Variants in XKR6 observed in about 807,000 individuals in gnomAD.
The protein encoded by XKR6 is XK-related protein 6.
XKR6 carries 22 observed loss-of-function variants against 56.7 expected under a neutral mutation model. That is an observed-to-expected ratio of 0.39 (90% CI 0.28 to 0.55). XKR6 has a LOEUF of 0.55. Ranked by LOEUF, XKR6 falls within the 20% of genes least tolerant of loss-of-function variation. The probability of loss-of-function intolerance (pLI) is 0.66; values close to 1 mark genes in which losing one functional copy is unlikely to be tolerated. For synonymous variants in XKR6, 524 were observed against 387.8 expected (o/e 1.35, Z -4.13); for missense variants, 852 against 889.0 (o/e 0.96, Z 0.53).
intron 1 of XKR6, among the ~76,000 whole-genome samples, chr8:11,150,467 G>C (rs570687497): frequency 1.3e-5 from 2 of 152,056 alleles, no homozygotes; most frequent in African/African-American, 4.8e-5. Context: ...CCTTCCCCCC[G>C]GGGTTCTGGA....
At chr8:11,137,114 C>G (rs1800440320) in intron 1 of XKR6, 1 of 155,320 alleles carries the variant, frequency 6.4e-6, no homozygotes, top group Non-Finnish European at 1.4e-5. Flanking sequence ...CACCACCTCC[C>G]TCTCTGATGT....
chr8:11,180,992 G>A (rs1387604270), intron 1 of XKR6, among the ~76,000 whole-genome samples: 3 of 152,200 alleles, frequency 2.0e-5, no homozygotes, highest in Non-Finnish European at 4.4e-5. Context: ...TACAGGGTTA[G>A]AAGTCTTCTG....
chr8:10,951,752 C>T (rs1801731260), intron 1 of XKR6, among the ~76,000 whole-genome samples: 1 of 152,164 alleles, frequency 6.6e-6, no homozygotes, highest in Admixed American at 6.5e-5. Context: ...CAGGCAGAAG[C>T]CACCCCAGCT....
intron 1 of XKR6, among the ~76,000 whole-genome samples, chr8:11,133,170 TATAAAAAGCTTATCGCTTTCAGTCATCAG>T (rs1254079707): frequency 2.0e-5 from 3 of 151,874 alleles, no homozygotes; most frequent in Non-Finnish European, 4.4e-5. Context: ...AACGCACATT[TATAAAAAGCTTATCGCTTTCAGTCATCAG>T]AAGTAAGGTA....
chr8:10,906,290 C>T (rs1425687871), intron 2 of XKR6, among the ~76,000 whole-genome samples: 1 of 152,186 alleles, frequency 6.6e-6, no homozygotes, highest in Admixed American at 6.5e-5. Flanking sequence ...TACCAGCACA[C>T]CACCGGTCAG....
chr8:11,142,314 A>G (rs531048873), intron 1 of XKR6, among the ~76,000 whole-genome samples: 2 of 150,540 alleles, frequency 1.3e-5, no homozygotes, highest in Admixed American at 6.6e-5. Flanking sequence ...ACATCTTGAC[A>G]TACCAGACAG....
At chr8:10,985,173 T>C (rs1258980011) in intron 1 of XKR6, among the ~76,000 whole-genome samples, 3 of 152,066 alleles carry the variant, frequency 2.0e-5, no homozygotes, top group South Asian at 2.1e-4. Flanking sequence ...CCAAATCTCA[T>C]CTTGAATTGT....
chr8:10,983,797 A>G (rs1373422875), intron 1 of XKR6, among the ~76,000 whole-genome samples: 1 of 152,056 alleles, frequency 6.6e-6, no homozygotes, highest in Non-Finnish European at 1.5e-5. Context: ...CTGGGACTAC[A>G]GGTGCCCGCC....
At chr8:11,093,691 C>T (rs563335662) in intron 1 of XKR6, among the ~76,000 whole-genome samples, 3 of 152,322 alleles carry the variant, frequency 2.0e-5, no homozygotes, top group South Asian at 4.1e-4. Flanking sequence ...TCACGCCTAT[C>T]TTTCCCTTTT....
Position 11,125,327 on chromosome 8 carries a change from G to A in XKR6, c.764+75249C>T, listed in dbSNP as rs577364451. ...TTACGTACAGAGACCCTAGAACCCC[G>A]CACAATTCACAGGGCACATCGAGGC... On this transcript the variant is annotated intron_variant, in intron 1 of 2. Transcript: ENST00000416569. 1.1e-4 allele frequency among the ~76,000 whole-genome samples: 16 copies of A among 152,092 alleles called. No individual in the cohort carries two copies. The South Asian group carries it at 1.2e-3, about 12-fold the overall frequency.
chr8:11,106,861 A>AT (rs1053797203), intron 1 of XKR6, among the ~76,000 whole-genome samples: 3 of 149,658 alleles, frequency 2.0e-5, no homozygotes, highest in Admixed American at 6.6e-5. Context: ...AAAAAAAAAA[A>AT]AAAATAAAAA....
At chr8:11,035,341 C>A (rs764979970) in intron 1 of XKR6, 2 of 534,626 alleles carry the variant, frequency 3.7e-6, no homozygotes, top group African/African-American at 1.9e-5. Flanking sequence ...CCCCACTGGC[C>A]ATGCAGGAGC....
intron 1 of XKR6, among the ~76,000 whole-genome samples, chr8:11,180,542 G>A (rs1184724724): frequency 6.6e-6 from 1 of 152,236 alleles, no homozygotes; most frequent in Admixed American, 6.5e-5. Context: ...AACAAGTAAA[G>A]GAAACAGCAT....
At chr8:10,909,951 T>A (rs1320552825) in intron 2 of XKR6, among the ~76,000 whole-genome samples, 3 of 152,050 alleles carry the variant, frequency 2.0e-5, no homozygotes, top group Non-Finnish European at 4.4e-5. Flanking sequence ...ATTAAGCAAG[T>A]CTTTTTATTC....
chr8:11,037,322 C>T (rs959809734), intron 1 of XKR6, among the ~76,000 whole-genome samples: 1 of 152,144 alleles, frequency 6.6e-6, no homozygotes, highest in Non-Finnish European at 1.5e-5. Flanking sequence ...ACCTCCCGGG[C>T]TCAAGCCGTC....
chr8:11,171,028 T>C (rs963757381), intron 1 of XKR6, among the ~76,000 whole-genome samples: 2 of 152,248 alleles, frequency 1.3e-5, no homozygotes, highest in Non-Finnish European at 2.9e-5. Context: ...CTTCCTAGTT[T>C]AGAAATCATG....
At chr8:11,034,945 C>A (rs1799099308) in intron 1 of XKR6, among the ~76,000 whole-genome samples, 1 of 152,192 alleles carries the variant, frequency 6.6e-6, no homozygotes, top group African/African-American at 2.4e-5. Context: ...CCCTGAGAGG[C>A]CACATATGGT....
At chr8:11,156,994 A>G (rs1801554596) in intron 1 of XKR6, among the ~76,000 whole-genome samples, 1 of 152,220 alleles carries the variant, frequency 6.6e-6, no homozygotes, top group Non-Finnish European at 1.5e-5. Flanking sequence ...AACCTCAGCC[A>G]TGATGTCATG....
intron 1 of XKR6, among the ~76,000 whole-genome samples, chr8:10,945,059 C>T (rs1801494704): frequency 6.6e-6 from 1 of 152,182 alleles, no homozygotes; most frequent in Non-Finnish European, 1.5e-5. Flanking sequence ...GTAAACATCC[C>T]AGGGCTCGGG....
Sources: gnomAD v4.1 joint callset for allele counts (sites outside exome capture counted in the v4.1 genomes callset) on GRCh38, gnomAD v4.1.1 for gene constraint, MANE v1.5 for transcripts, NCBI Gene and HGNC (gene_info 2026-07-23, HGNC 2026-07-21) for gene names.